The following BMPR1A variants were observed in gnomAD, a reference collection of about 807,000 sequenced individuals.
The protein encoded by BMPR1A is bone morphogenetic protein receptor type 1A, also known as bone morphogenetic protein receptor type-1A.
In BMPR1A, 7 loss-of-function variants were observed where a neutral mutation model predicts 66.0. The observed-to-expected ratio is 0.11, with a 90% CI of 0.06 to 0.20. The LOEUF (loss-of-function observed/expected upper bound fraction) is 0.20. Among genes scored for constraint, BMPR1A ranks in the 10% least tolerant of loss-of-function variants. BMPR1A has a pLI of 1.00. For missense variants in BMPR1A, 408 were observed against 669.1 expected, an observed-to-expected ratio of 0.61 and a Z score of 4.31; for synonymous variants, 200 against 229.7, an observed-to-expected ratio of 0.87 and a Z score of 1.17.
chr10:86,919,345 G>C lies in BMPR1A; in HGVS notation c.1042G>C (p.Glu348Gln), dbSNP rs1060503398. Residue 348 changes from glutamate to glutamine, a missense_variant, in exon 10 of 13, where the codon GAA becomes CAA. By Grantham distance (29) the Glu-to-Gln change is conservative. Transcript: ENST00000372037. ...CTGTGGTCTGTGCCACCTGCACACA[G>C]AAATTTATGGCACCCAAGGAAAGCC... ...AACGLCHLHT[E>Q]IYGTQGKPAI... 2 of 1,613,428 alleles carry C rather than the reference G, an allele frequency of 1.2e-6. No individual in the cohort carries two copies. Among genetic ancestry groups the C allele is most frequent in the South Asian group, 2.2e-5 (2 of 91,046 alleles).
intron 10 of BMPR1A, 95 bp from the exon 11 acceptor site, chr10:86,921,425 G>A: frequency 1.3e-6 from 2 of 1,520,678 alleles, no homozygotes; most frequent in Non-Finnish European, 9.0e-7. Context: ...TGGCCCCAAG[G>A]AGAAAAAGAA....
intron 10 of BMPR1A, 66 bp from the exon 11 acceptor site, chr10:86,921,453 CA>C: frequency 6.2e-7 from 1 of 1,600,896 alleles, no homozygotes; most frequent in East Asian, 2.2e-5. Context: ...TAAAATAGGA[CA>C]AAAATACAAG....
chr10:86,838,397 C>G (rs1188235532), intron 1 of BMPR1A, among the ~76,000 whole-genome samples: 2 of 152,122 alleles, frequency 1.3e-5, no homozygotes, highest in African/African-American at 4.8e-5. Context: ...CCTCACAAGT[C>G]CTAATGTTCT....
At chr10:86,858,441 G>A (rs1481324750) in intron 2 of BMPR1A, among the ~76,000 whole-genome samples, 1 of 152,164 alleles carries the variant, frequency 6.6e-6, no homozygotes, top group African/African-American at 2.4e-5. Flanking sequence ...ATGAAGACTG[G>A]AAGTCCTAGC....
intron 2 of BMPR1A, among the ~76,000 whole-genome samples, chr10:86,853,686 G>A (rs557533966): frequency 5.7e-4 from 87 of 152,210 alleles, no homozygotes; most frequent in African/African-American, 1.9e-3. Flanking sequence ...ATCACATGTC[G>A]GTAGATTCCG....
intron 2 of BMPR1A, among the ~76,000 whole-genome samples, chr10:86,858,161 C>T (rs997810285): frequency 6.6e-6 from 1 of 152,140 alleles, no homozygotes; most frequent in African/African-American, 2.4e-5. Flanking sequence ...ACTCTGTGCT[C>T]ATATCACTAG....
chr10:86,818,269 G>A (rs142132396), intron 1 of BMPR1A, among the ~76,000 whole-genome samples: 11 of 152,176 alleles, frequency 7.2e-5, no homozygotes, highest in Non-Finnish European at 1.3e-4. Context: ...TGCCCTCCTC[G>A]GCCTCCAAAA....
intron 4 of BMPR1A, among the ~76,000 whole-genome samples, chr10:86,890,906 T>G (rs1316016095): frequency 6.6e-6 from 1 of 152,218 alleles, no homozygotes; most frequent in Non-Finnish European, 1.5e-5. Context: ...TTATATATGA[T>G]CATGTAATTC....
intron 2 of BMPR1A, among the ~76,000 whole-genome samples, chr10:86,872,906 C>T (rs1842869767): frequency 1.3e-5 from 2 of 152,072 alleles, no homozygotes; most frequent in African/African-American, 4.8e-5. Context: ...GCGGTCACCA[C>T]CACAGTTGGC....
chr10:86,759,663 G>T (rs922601593), intron 1 of BMPR1A, among the ~76,000 whole-genome samples: 3 of 152,140 alleles, frequency 2.0e-5, no homozygotes, highest in Non-Finnish European at 4.4e-5. Flanking sequence ...ATTCATATTG[G>T]TGTGAAGGTA....
intron 7 of BMPR1A, among the ~76,000 whole-genome samples, chr10:86,903,601 T>TTTTATTTATTTA (rs528073264): frequency 1.5e-4 from 22 of 151,370 alleles, no homozygotes; most frequent in African/African-American, 4.9e-4. Context: ...TTATTATTAT[T>TTTTATTTATTTA]TTTATTTATT....
At chr10:86,894,935 T>C (rs1315797248) in intron 5 of BMPR1A, among the ~76,000 whole-genome samples, 1 of 152,220 alleles carries the variant, frequency 6.6e-6, no homozygotes, top group Non-Finnish European at 1.5e-5. Context: ...GTCCTGTTGC[T>C]GAATATTTCT....
intron 2 of BMPR1A, among the ~76,000 whole-genome samples, chr10:86,840,537 T>C (rs963110049): frequency 9.9e-5 from 15 of 152,178 alleles, no homozygotes; most frequent in Non-Finnish European, 1.8e-4. Context: ...GTTTTTTTCT[T>C]ATGTCTTTCC....
chr10:86,929,027 T>C (rs1432809720), downstream of BMPR1A: 1 of 151,940 alleles, frequency 6.6e-6, no homozygotes, highest in African/African-American at 2.4e-5. Context: ...TTGAGAACTT[T>C]TTTTTTAATG....
At position 86,923,853 on chromosome 10, in the gene BMPR1A, A is replaced by T. The variant is rs1843705902; in HGVS notation, c.*134A>T. ...CTTCACTACGTGTTCACAGGCTGCT[A>T]ATATTAAACCTTTCAGTACTCTTAT... On this transcript the variant is annotated 3_prime_UTR_variant, in exon 13 of 13. Coordinates refer to ENST00000372037, the MANE Select transcript of BMPR1A (RefSeq NM_004329.3). 8.6e-7 allele frequency: 1 copy of T among 1,158,414 alleles called. No homozygotes were observed. Among genetic ancestry groups the T allele is most frequent in the East Asian group, 2.4e-5 (1 of 41,046 alleles). 71.8% of individuals were successfully genotyped at this position (1,158,414 alleles called of 1,614,324 possible). A position where few individuals can be genotyped will look rare whatever the true frequency, so the allele number is the denominator to read the frequency against.
In BMPR1A at chr10:86,864,462, T is replaced by A. The variant is rs538330120; in HGVS notation, c.-152-11405T>A. On this transcript the variant is annotated intron_variant, in intron 2 of 12. Coordinates refer to ENST00000372037, the MANE Select transcript of BMPR1A (RefSeq NM_004329.3). ...CATCACAGACATATCACAAACTTTA[T>A]CAGTCCTCCAGGCCCTAGTTGACTC... 5.3e-5 allele frequency among the ~76,000 whole-genome samples: 8 copies of A among 152,316 alleles called. No individual in the cohort carries two copies. In the East Asian group the frequency reaches 1.3e-3, roughly 26 times the overall value.
intron 1 of BMPR1A, among the ~76,000 whole-genome samples, chr10:86,801,634 C>G (rs1003149684): frequency 4.6e-5 from 7 of 152,176 alleles, no homozygotes; most frequent in African/African-American, 1.7e-4. Flanking sequence ...CAGCCTCTAC[C>G]CCTTCCTTAG....
At chr10:86,877,353 G>A (rs1452624046) in intron 3 of BMPR1A, among the ~76,000 whole-genome samples, 2 of 151,550 alleles carry the variant, frequency 1.3e-5, no homozygotes, top group African/African-American at 2.4e-5. Flanking sequence ...GATTACAGGC[G>A]CCCACCATCA....
rs991646270 is a variant in BMPR1A, at chr10:86,838,864, G to A, written c.-267-1G>A. ...AATAAGTTCTTTTTTTTTCTAAACA[G>A]ACTTATGAAAATATGCATCAGTTTA... On this transcript the variant is annotated splice_acceptor_variant, in intron 1 of 12. Coordinates refer to ENST00000372037, the MANE Select transcript of BMPR1A (RefSeq NM_004329.3). LOFTEE classifies it low-confidence loss of function (5UTR_SPLICE). 5 of 151,808 alleles carry A rather than the reference G, an allele frequency of 3.3e-5. No homozygotes were observed. The highest frequency in any genetic ancestry group is 1.2e-4 in the African/African-American group (5 of 41,360). The allele number at this position is 151,808 out of a possible 1,614,324, so 9.4% of individuals were successfully genotyped here.
Sources: allele counts gnomAD v4.1 joint callset (sites outside exome capture counted in the v4.1 genomes callset), GRCh38; gene constraint gnomAD v4.1.1; transcripts MANE v1.5; gene names NCBI Gene and HGNC (gene_info 2026-07-23, HGNC 2026-07-21).